IMMP2L: variants seen among roughly 807,000 people sequenced by gnomAD.
IMMP2L encodes the protein inner mitochondrial membrane peptidase subunit 2.
A neutral mutation model predicts 19.3 loss-of-function variants in IMMP2L; 18 were observed. The observed-to-expected ratio is 0.93, with a 90% CI of 0.64 to 1.38. The LOEUF (loss-of-function observed/expected upper bound fraction) is 1.38. Ranked by LOEUF, IMMP2L falls within the 40% of genes most tolerant of loss-of-function variation. The pLI is 0.00. For missense variants in IMMP2L, 233 were observed against 218.2 expected, an observed-to-expected ratio of 1.07 and a Z score of -0.43; for synonymous variants, 76 against 73.0, an observed-to-expected ratio of 1.04 and a Z score of -0.21.
chr7:111,084,007 G>C (rs2129576771), intron 3 of IMMP2L, among the ~76,000 whole-genome samples: 1 of 152,280 alleles, frequency 6.6e-6, no homozygotes, highest in South Asian at 2.1e-4. Context: ...AAGTAGGCTT[G>C]CTAAACACAA....
intron 3 of IMMP2L, among the ~76,000 whole-genome samples, chr7:111,148,946 A>G (rs1188027654): frequency 6.6e-6 from 1 of 152,086 alleles, no homozygotes; most frequent in Non-Finnish European, 1.5e-5. Flanking sequence ...AAAAAAACTA[A>G]AACAGAGATA....
intron 1 of IMMP2L, among the ~76,000 whole-genome samples, chr7:111,558,156 T>C (rs1484398157): frequency 6.6e-6 from 1 of 152,204 alleles, no homozygotes. Flanking sequence ...AAGATGGTTC[T>C]TTCTAGGAAA....
intron 3 of IMMP2L, among the ~76,000 whole-genome samples, chr7:111,194,893 T>G (rs1809305788): frequency 1.3e-5 from 2 of 152,082 alleles, no homozygotes; most frequent in Non-Finnish European, 2.9e-5. Flanking sequence ...AAATTTCCAG[T>G]TTTTTTGCAA....
At chr7:111,476,189 A>G (rs1028465041) in intron 3 of IMMP2L, among the ~76,000 whole-genome samples, 6 of 152,184 alleles carry the variant, frequency 3.9e-5, no homozygotes, top group African/African-American at 1.4e-4. Flanking sequence ...TCAGCCAATT[A>G]AAAATGATGC....
intron 5 of IMMP2L, among the ~76,000 whole-genome samples, chr7:110,774,763 G>T (rs1799266095): frequency 6.6e-6 from 1 of 151,964 alleles, no homozygotes; most frequent in Non-Finnish European, 1.5e-5. Context: ...TGTATAGTAG[G>T]TATACCATCT....
intron 5 of IMMP2L, among the ~76,000 whole-genome samples, chr7:110,672,678 C>A (rs564398106): frequency 6.6e-6 from 1 of 152,150 alleles, no homozygotes; most frequent in East Asian, 1.9e-4. Context: ...CTGGACAATA[C>A]AAAGGGACTA....
At chr7:111,170,292 G>A (rs1428428221) in intron 3 of IMMP2L, among the ~76,000 whole-genome samples, 1 of 151,630 alleles carries the variant, frequency 6.6e-6, no homozygotes, top group Non-Finnish European at 1.5e-5. Context: ...TTCAAACCAG[G>A]GAATCTAGAT....
chr7:110,879,445 G>A (rs962589608), intron 5 of IMMP2L, among the ~76,000 whole-genome samples: 1 of 151,814 alleles, frequency 6.6e-6, no homozygotes, highest in Admixed American at 6.6e-5. Context: ...AAAGCATAAT[G>A]TAATGAACAT....
At chr7:111,300,263 C>T (rs975600251) in intron 3 of IMMP2L, among the ~76,000 whole-genome samples, 3 of 152,126 alleles carry the variant, frequency 2.0e-5, no homozygotes, top group Non-Finnish European at 4.4e-5. Flanking sequence ...ATAGCAGACC[C>T]ACCTGAAGAT....
chr7:111,402,989 T>TG (rs1379202529), intron 3 of IMMP2L, among the ~76,000 whole-genome samples: 2 of 114,476 alleles, frequency 1.7e-5, no homozygotes, highest in Admixed American at 7.9e-5. Flanking sequence ...ACTGCAGCCT[T>TG]GACCCCCCCC....
intron 3 of IMMP2L, among the ~76,000 whole-genome samples, chr7:111,474,932 T>G (rs1161235816): frequency 6.6e-6 from 1 of 152,138 alleles, no homozygotes; most frequent in Non-Finnish European, 1.5e-5. Flanking sequence ...ACTGAAATGT[T>G]TCCTACTGTA....
At chr7:110,839,520 G>A (rs1235397172) in intron 5 of IMMP2L, among the ~76,000 whole-genome samples, 1 of 152,012 alleles carries the variant, frequency 6.6e-6, no homozygotes, top group Non-Finnish European at 1.5e-5. Context: ...TCCTACAGCT[G>A]TACCTTTACC....
At chr7:111,171,562 G>T (rs1806453453) in intron 3 of IMMP2L, among the ~76,000 whole-genome samples, 1 of 151,240 alleles carries the variant, frequency 6.6e-6, no homozygotes, top group Non-Finnish European at 1.5e-5. Context: ...ATGGCAAAAA[G>T]AACATTTATG....
chr7:111,252,223 T>C (rs1284566997), intron 3 of IMMP2L, among the ~76,000 whole-genome samples: 1 of 152,018 alleles, frequency 6.6e-6, no homozygotes, highest in Non-Finnish European at 1.5e-5. Context: ...AGTATTCAGC[T>C]GATGGTATGT....
At chr7:111,171,555 G>A (rs1178378844) in intron 3 of IMMP2L, among the ~76,000 whole-genome samples, 1 of 151,316 alleles carries the variant, frequency 6.6e-6, no homozygotes, top group Non-Finnish European at 1.5e-5. Context: ...AGAAAACATG[G>A]CAAAAAGAAC....
chr7:110,844,210 A>G (rs961605178), intron 5 of IMMP2L, among the ~76,000 whole-genome samples: 1 of 152,210 alleles, frequency 6.6e-6, no homozygotes, highest in Non-Finnish European at 1.5e-5. Flanking sequence ...GAGAAGAGAA[A>G]TGCAAAGATC....
chr7:110,812,604 G>C (rs1295094330), intron 5 of IMMP2L, among the ~76,000 whole-genome samples: 1 of 152,032 alleles, frequency 6.6e-6, no homozygotes, highest in Non-Finnish European at 1.5e-5. Context: ...GGCTAGACTT[G>C]GAATTAAGTT....
At chr7:110,681,211 C>T (rs576171520) in intron 5 of IMMP2L, among the ~76,000 whole-genome samples, 1 of 152,184 alleles carries the variant, frequency 6.6e-6, no homozygotes, top group South Asian at 2.1e-4. Flanking sequence ...CTACCCAGAT[C>T]ACTCAGTTAG....
chr7:110,912,141 C>A (rs2129548462), intron 4 of IMMP2L, among the ~76,000 whole-genome samples: 1 of 152,082 alleles, frequency 6.6e-6, no homozygotes, highest in Admixed American at 6.6e-5. Flanking sequence ...AAAACAAAAA[C>A]CTCTCAAACA....
Sources: allele counts gnomAD v4.1 joint callset (sites outside exome capture counted in the v4.1 genomes callset), GRCh38; gene constraint gnomAD v4.1.1; transcripts MANE v1.5; gene names NCBI Gene and HGNC (gene_info 2026-07-23, HGNC 2026-07-21).